C9: variants seen among roughly 807,000 people sequenced by gnomAD.
C9 encodes the protein complement C9, also known as complement component C9.
C9 carries 63 observed loss-of-function variants against 65.4 expected under a neutral mutation model. That is an observed-to-expected ratio of 0.96 (90% confidence interval 0.79 to 1.19). The LOEUF is 1.19. Among genes scored for constraint, C9 ranks in the 50% most tolerant of loss-of-function variants. The pLI, the probability that C9 is intolerant of heterozygous loss-of-function variation, is 0.00. For synonymous variants in C9, 229 were observed against 227.9 expected (o/e 1.00, Z -0.04); for missense variants, 744 against 670.1 (o/e 1.11, Z -1.22).
intron 1 of C9, among the ~76,000 whole-genome samples, chr5:39,354,193 A>G (rs962988039): frequency 6.6e-6 from 1 of 152,214 alleles, no homozygotes; most frequent in Non-Finnish European, 1.5e-5. Flanking sequence ...CTGAAACCAC[A>G]TGACTAAGAA....
At chr5:39,342,697 G>C (rs1311941835) in intron 1 of C9, among the ~76,000 whole-genome samples, 1 of 152,046 alleles carries the variant, frequency 6.6e-6, no homozygotes, top group African/African-American at 2.4e-5. Context: ...TCATAAATCA[G>C]GTTTCCCCTC....
At chr5:39,349,833 A>G (rs987409506) in intron 1 of C9, among the ~76,000 whole-genome samples, 1 of 151,420 alleles carries the variant, frequency 6.6e-6, no homozygotes, top group Admixed American at 6.6e-5. Flanking sequence ...TGGTACTCCT[A>G]CTCTTTTATG....
At chr5:39,295,636 G>A (rs1753172503) in intron 9 of C9, among the ~76,000 whole-genome samples, 1 of 151,348 alleles carries the variant, frequency 6.6e-6, no homozygotes, top group South Asian at 2.1e-4. Context: ...CTATCAAAAT[G>A]ACAATGACAT....
intron 4 of C9, among the ~76,000 whole-genome samples, chr5:39,333,996 C>T (rs696762): frequency 6.6e-6 from 1 of 152,162 alleles, no homozygotes; most frequent in Admixed American, 6.5e-5. Context: ...CCTTGGCCCC[C>T]CAAAGTGCCG....
intron 1 of C9, among the ~76,000 whole-genome samples, chr5:39,351,387 C>A (rs180698177): frequency 6.6e-6 from 1 of 152,320 alleles, no homozygotes; most frequent in African/African-American, 2.4e-5. Flanking sequence ...CTGCAGCTGG[C>A]TGGAATTTCT....
intron 9 of C9, among the ~76,000 whole-genome samples, chr5:39,289,441 G>GTT (rs3836796): frequency 1.2e-4 from 18 of 148,498 alleles, no homozygotes; most frequent in Admixed American, 4.0e-4. Context: ...TTTCTTTCTT[G>GTT]TTTTTTTTTT....
rs1164366823 is a variant in C9, at chr5:39,334,503, C to T, written c.477-2689G>A. On this transcript the variant is annotated intron_variant, in intron 4 of 10. Transcript: ENST00000263408. Reference sequence around the variant, plus strand: ...AGGAGCGTCTCTGCCAGGCAGCCACCCCGTCCGGGAGGGAGGTGGGGGTCA... The same window carrying T: ...AGGAGCGTCTCTGCCAGGCAGCCACTCCGTCCGGGAGGGAGGTGGGGGTCA... Among the ~76,000 whole-genome samples, 3 of 133,562 alleles carry T rather than the reference C, an allele frequency of 2.2e-5. No individual in the cohort carries two copies. In the South Asian group the frequency reaches 6.2e-4, roughly 28 times the overall value. The allele number at this position is 133,562 out of a possible 152,430, so 87.6% of individuals were successfully genotyped here. A position where few individuals can be genotyped will look rare whatever the true frequency, so the allele number is the denominator to read the frequency against.
intron 1 of C9, among the ~76,000 whole-genome samples, chr5:39,358,965 G>A (rs937981793): frequency 2.3e-4 from 34 of 149,640 alleles, no homozygotes; most frequent in African/African-American, 8.1e-4. Context: ...AGCCTGGGTG[G>A]CAGAGCGAGA....
Position 39,334,686 on chromosome 5 carries a change from A to C in C9, c.477-2872T>G, listed in dbSNP as rs1277420918. ...TGCCCGGCCAGCCGCCCAGTCCGGGAGGGAGGTGGGGCGGTCAGCCCCCCG... is the reference window on the plus strand; with the variant it reads ...TGCCCGGCCAGCCGCCCAGTCCGGGCGGGAGGTGGGGCGGTCAGCCCCCCG... On this transcript the variant is annotated intron_variant, in intron 4 of 10. Coordinates refer to ENST00000263408, the MANE Select transcript of C9 (RefSeq NM_001737.5). Among the ~76,000 whole-genome samples the C allele has an allele frequency of 5.6e-5, 8 of 144,082 alleles. No homozygotes were observed. In the East Asian group the frequency reaches 1.7e-3, roughly 30 times the overall value. The allele number at this position is 144,082 out of a possible 152,430, so 94.5% of individuals were successfully genotyped here. A position where few individuals can be genotyped will look rare whatever the true frequency, so the allele number is the denominator to read the frequency against.
intron 9 of C9, among the ~76,000 whole-genome samples, chr5:39,291,400 G>T (rs1753095602): frequency 6.6e-6 from 1 of 151,702 alleles, no homozygotes; most frequent in South Asian, 2.1e-4. Flanking sequence ...CAAAAGGATA[G>T]GATATACAGA....
Position 39,285,201 on chromosome 5 carries a change from A to T in C9, c.1678T>A (p.Ter560LysextTer6), listed in dbSNP as rs1269235854. The stretch of plus-strand genomic sequence containing the variant: ...GGAGCTCAGAGAAGCCAACAGCTCT[A>T]TTTTTCATTGGGGAACTCTAGGGCT... ...LPALEFPNEK[*>K] is the part of the protein sequence containing the mutation. The change falls in exon 11 of 11, where the codon TAG becomes AAG. Residue 560 changes from the stop codon to lysine, a stop_lost. Transcript: ENST00000263408. 3 of 1,612,750 alleles carry T rather than the reference A, an allele frequency of 1.9e-6. No homozygotes were observed. The Admixed American group carries it at 5.0e-5, about 27-fold the overall frequency.
chr5:39,359,412 C>CAT (rs1754476043), intron 1 of C9, among the ~76,000 whole-genome samples: 1 of 151,818 alleles, frequency 6.6e-6, no homozygotes, highest in South Asian at 2.1e-4. Flanking sequence ...GGTATTTCAT[C>CAT]ATAGGTATAG....
intron 1 of C9, among the ~76,000 whole-genome samples, chr5:39,353,866 T>A (rs910024511): frequency 1.4e-4 from 22 of 152,110 alleles, no homozygotes; most frequent in African/African-American, 1.2e-4. Flanking sequence ...GGTTTTTTTT[T>A]AAATGAATAA....
Position 39,341,565 on chromosome 5 carries a change from A to C in C9, c.319T>G (p.Cys107Gly), listed in dbSNP as rs1437318634. 9 of 1,613,956 alleles carry C rather than the reference A, an allele frequency of 5.6e-6. No individual in the cohort carries two copies. The highest frequency in any genetic ancestry group is 1.1e-5 in the South Asian group (1 of 91,084). ...CAAGCACAAAGATTACCTGTACTGC[A>C]TTGAAAGTCATTTCCGCAGTCATCC... ...AEDDCGNDFQ[C>G]STGRCIKMRL... Residue 107 changes from cysteine (C) to glycine (G), a missense_variant, in exon 3 of 11, where the codon TGC becomes GGC. Physicochemically the swap from Cys to Gly is radical, Grantham distance 159 (BLOSUM62 -3). Transcript: ENST00000263408.
At position 39,302,990 on chromosome 5, in the gene C9, A is replaced by G. The variant is rs998633124; in HGVS notation, c.1416+3627T>C. Among the ~76,000 whole-genome samples, 6 of 152,216 alleles carry G rather than the reference A, an allele frequency of 3.9e-5. 1 individual carries two copies. The highest frequency in any genetic ancestry group is 8.8e-5 in the Non-Finnish European group (6 of 68,030). On this transcript the variant is annotated intron_variant, in intron 9 of 10. Coordinates refer to ENST00000263408, the MANE Select transcript of C9 (RefSeq NM_001737.5). ...TTTAGTAAATAAAACAGTAGATTAC[A>G]TAACTTTGTTTCTAATAATGGAAAA...
At chr5:39,312,834 T>C (rs1276731509) in intron 6 of C9, among the ~76,000 whole-genome samples, 1 of 152,224 alleles carries the variant, frequency 6.6e-6, no homozygotes, top group Non-Finnish European at 1.5e-5. Flanking sequence ...CCAAACTGTC[T>C]GTCTTCTTAA....
At chr5:39,345,687 C>T (rs1042535309) in intron 1 of C9, among the ~76,000 whole-genome samples, 1 of 152,232 alleles carries the variant, frequency 6.6e-6, no homozygotes, top group African/African-American at 2.4e-5. Flanking sequence ...TAGACATCTA[C>T]AGAACTTTCC....
At chr5:39,348,573 G>T (rs1561353952) in intron 1 of C9, among the ~76,000 whole-genome samples, 1 of 152,100 alleles carries the variant, frequency 6.6e-6, no homozygotes, top group Non-Finnish European at 1.5e-5. Flanking sequence ...ACTGTTGGTG[G>T]GACTGTAAAC....
rs1011715944 is a variant in C9, at chr5:39,308,319, T to A, written c.1151A>T (p.His384Leu). The change falls in exon 8 of 11, where the codon CAT becomes CTT. Residue 384 changes from histidine to leucine, a missense_variant. Transcript: ENST00000263408. ...LKDIKRCLGYHLDVSLAFSEI... is the reference protein window; with the variant it reads ...LKDIKRCLGYLLDVSLAFSEI... ...AGAGAAAGCCAGAGATACATCCAGATGATACCCAAGGCATCTCTTTATGTC... is the reference window on the plus strand; with the variant it reads ...AGAGAAAGCCAGAGATACATCCAGAAGATACCCAAGGCATCTCTTTATGTC... 2 of 1,604,606 alleles carry A rather than the reference T, an allele frequency of 1.2e-6. No individual in the cohort carries two copies. Among genetic ancestry groups the A allele is most frequent in the Non-Finnish European group, 1.7e-6 (2 of 1,171,386 alleles).
Sources: allele counts gnomAD v4.1 joint callset (sites outside exome capture counted in the v4.1 genomes callset), GRCh38; gene constraint gnomAD v4.1.1; transcripts MANE v1.5; gene names NCBI Gene and HGNC (gene_info 2026-07-23, HGNC 2026-07-21).